The following NRG1 variants were observed in gnomAD, a reference collection of about 807,000 sequenced individuals.
The protein encoded by NRG1 is pro-neuregulin-1, membrane-bound isoform.
Under a neutral mutation model 63.8 loss-of-function variants are expected in NRG1, and 18 were observed. The observed-to-expected ratio is 0.28, with a 90% CI of 0.19 to 0.42. NRG1 has a LOEUF of 0.42. Among genes scored for constraint, NRG1 ranks in the 10% least tolerant of loss-of-function variants. The pLI is 1.00. For missense variants in NRG1, 762 were observed against 814.7 expected (o/e 0.94, Z 0.79); for synonymous variants, 302 against 301.3 (o/e 1.00, Z -0.02).
At chr8:32,760,329 C>T in exon 11 of NRG1, 2 of 1,613,994 alleles carry the variant, frequency 1.2e-6, no homozygotes, top group African/African-American at 1.3e-5. Flanking sequence ...GCACAGGAGG[C>T]CCTCGTGAAT....
chr8:32,356,800 C>G (rs957684660), intron 1 of NRG1, among the ~76,000 whole-genome samples: 1 of 152,094 alleles, frequency 6.6e-6, no homozygotes, highest in Non-Finnish European at 1.5e-5. Context: ...CATTTGTCTT[C>G]ATTTCATCAT....
intron 1 of NRG1, among the ~76,000 whole-genome samples, chr8:31,863,494 T>G (rs1432046752): frequency 6.6e-6 from 1 of 152,186 alleles, no homozygotes; most frequent in Non-Finnish European, 1.5e-5. Flanking sequence ...TGTATCCTAC[T>G]GTTAATGATA....
At chr8:32,713,624 A>C (rs1368723932) in intron 5 of NRG1, among the ~76,000 whole-genome samples, 6 of 149,406 alleles carry the variant, frequency 4.0e-5, no homozygotes, top group East Asian at 3.9e-4. Flanking sequence ...AAAAAAAAAA[A>C]TGTGTGGCCA....
intron 1 of NRG1, among the ~76,000 whole-genome samples, chr8:32,121,663 GA>G (rs1309293152): frequency 1.3e-5 from 2 of 151,716 alleles, no homozygotes; most frequent in Non-Finnish European, 2.9e-5. Flanking sequence ...TTACATTTTT[GA>G]AACAAACTAT....
intron 1 of NRG1, among the ~76,000 whole-genome samples, chr8:32,027,448 C>G (rs1238157359): frequency 7.6e-6 from 1 of 131,588 alleles, no homozygotes; most frequent in Non-Finnish European, 1.6e-5. Flanking sequence ...TTCCTTCCTT[C>G]CTTCCTTCCT....
intron 1 of NRG1, among the ~76,000 whole-genome samples, chr8:31,965,663 T>A (rs1806198873): frequency 6.6e-6 from 1 of 152,224 alleles, no homozygotes; most frequent in Non-Finnish European, 1.5e-5. Context: ...CAATCCATAT[T>A]CCCAACAGTG....
At chr8:32,035,106 C>T (rs1310954583) in intron 1 of NRG1, among the ~76,000 whole-genome samples, 1 of 152,088 alleles carries the variant, frequency 6.6e-6, no homozygotes, top group Non-Finnish European at 1.5e-5. Context: ...TCCCTCTTAA[C>T]ACTGCTTTAG....
At chr8:32,114,477 G>A (rs181547201) in intron 1 of NRG1, among the ~76,000 whole-genome samples, 4 of 152,208 alleles carry the variant, frequency 2.6e-5, no homozygotes, top group South Asian at 2.1e-4. Flanking sequence ...ATGTTTATCA[G>A]CCTTTCAGCA....
intron 3 of NRG1, among the ~76,000 whole-genome samples, chr8:32,612,982 A>T (rs2129541324): frequency 6.6e-6 from 1 of 152,148 alleles, no homozygotes; most frequent in Non-Finnish European, 1.5e-5. Context: ...AAAGAAGAAC[A>T]ATTTCATTTT....
intron 5 of NRG1, among the ~76,000 whole-genome samples, chr8:32,702,404 A>T (rs1815149583): frequency 6.6e-6 from 1 of 152,274 alleles, no homozygotes; most frequent in Non-Finnish European, 1.5e-5. Context: ...AATAAACAGC[A>T]ACCCATGTTT....
At chr8:32,224,161 G>C (rs80056642) in intron 1 of NRG1, among the ~76,000 whole-genome samples, 2,454 of 152,300 alleles carry the variant, frequency 0.016, 77 homozygotes, top group African/African-American at 0.056. Flanking sequence ...AGGAGGAAGA[G>C]TCTGTGGAAG....
chr8:32,587,583 A>T (rs1029828613), intron 1 of NRG1, among the ~76,000 whole-genome samples: 3 of 152,184 alleles, frequency 2.0e-5, no homozygotes, highest in African/African-American at 7.2e-5. Context: ...AAAAAGTCAT[A>T]GAGAAGATAG....
intron 1 of NRG1, among the ~76,000 whole-genome samples, chr8:31,919,070 G>A (rs1833669207): frequency 1.3e-5 from 2 of 152,020 alleles, no homozygotes; most frequent in East Asian, 1.9e-4. Context: ...ATTTTTTATT[G>A]CGTCTATTTG....
chr8:31,706,528 A>G (rs1811167711), intron 1 of NRG1, among the ~76,000 whole-genome samples: 1 of 152,214 alleles, frequency 6.6e-6, no homozygotes, highest in African/African-American at 2.4e-5. Flanking sequence ...AGAATATTAT[A>G]TATGCATAAT....
intron 5 of NRG1, among the ~76,000 whole-genome samples, chr8:32,627,691 C>T (rs957997785): frequency 6.6e-6 from 1 of 151,872 alleles, no homozygotes; most frequent in African/African-American, 2.4e-5. Flanking sequence ...TGAGTTGATC[C>T]AAAGAAGAGA....
Position 31,907,212 on chromosome 8 carries a change from G to C in NRG1, c.37+267781G>C, listed in dbSNP as rs542121017. 4.7e-5 allele frequency among the ~76,000 whole-genome samples: 6 copies of C among 126,656 alleles called. No individual in the cohort carries two copies. In the East Asian group the frequency reaches 1.0e-3, roughly 22 times the overall value. The allele number at this position is 126,656 out of a possible 152,430, so 83.1% of individuals were successfully genotyped here. ...GTAAATGACAGTGAAAGAATATGAT[G>C]AACTCCTGATGGGTTGATGCCACAG... is the stretch of plus-strand genomic sequence containing the variant. On this transcript the variant is annotated intron_variant, in intron 1 of 10. Transcript: ENST00000519301.
chr8:32,614,490 T>A, intron 3 of NRG1, 24 bp from the exon 4 acceptor site: 1 of 1,611,392 alleles, frequency 6.2e-7, no homozygotes, highest in Non-Finnish European at 8.5e-7. Flanking sequence ...TATATCATAA[T>A]GTCCTATCAC....
chr8:31,676,868 G>A (rs1333828025), intron 1 of NRG1, among the ~76,000 whole-genome samples: 2 of 152,204 alleles, frequency 1.3e-5, no homozygotes, highest in East Asian at 1.9e-4. Context: ...ATGGGAAGTT[G>A]TAGAAATGAA....
At chr8:32,123,179 G>C (rs1250186398) in intron 1 of NRG1, among the ~76,000 whole-genome samples, 2 of 151,838 alleles carry the variant, frequency 1.3e-5, no homozygotes, top group African/African-American at 4.8e-5. Context: ...ATGTGTCCTT[G>C]TATAGTTATT....
Sources: allele counts gnomAD v4.1 joint callset (sites outside exome capture counted in the v4.1 genomes callset), GRCh38; gene constraint gnomAD v4.1.1; transcripts MANE v1.5; gene names NCBI Gene and HGNC (gene_info 2026-07-23, HGNC 2026-07-21).